The following MASP1 variants were observed in gnomAD, a reference collection of about 807,000 sequenced individuals.
MASP1 encodes MBL associated serine protease 1, also known as mannan-binding lectin serine protease 1.
Under a neutral mutation model 77.1 loss-of-function variants are expected in MASP1, and 59 were observed. The ratio of observed to expected loss-of-function variants is 0.77; its 90% CI spans 0.62 to 0.95. The LOEUF (loss-of-function observed/expected upper bound fraction) is 0.95, where lower values mean the gene tolerates loss of function less well. Ranked by LOEUF, MASP1 falls within the 40% of genes least tolerant of loss-of-function variation. MASP1 has a pLI of 0.00. For missense variants in MASP1, 885 were observed against 912.9 expected, an observed-to-expected ratio of 0.97 and a Z score of 0.39; for synonymous variants, 362 against 354.5, an observed-to-expected ratio of 1.02 and a Z score of -0.24.
At chr3:187,248,794 A>G (rs1714319369) in intron 8 of MASP1, among the ~76,000 whole-genome samples, 1 of 152,166 alleles carries the variant, frequency 6.6e-6, no homozygotes, top group Non-Finnish European at 1.5e-5. Flanking sequence ...CTCCTTCCCC[A>G]TGCTAGGCTC....
At chr3:187,267,554 T>C (rs1193749039) in intron 2 of MASP1, among the ~76,000 whole-genome samples, 1 of 152,252 alleles carries the variant, frequency 6.6e-6, no homozygotes, top group African/African-American at 2.4e-5. Context: ...AAGAAATGTG[T>C]AGATGTGTCC....
chr3:187,284,363 C>T (rs1279581714), intron 2 of MASP1, among the ~76,000 whole-genome samples: 1 of 152,154 alleles, frequency 6.6e-6, no homozygotes, highest in African/African-American at 2.4e-5. Context: ...GGGGCCGGGG[C>T]TGCTACTGGC....
At chr3:187,224,548 G>A (rs1236109212) in intron 13 of MASP1, among the ~76,000 whole-genome samples, 3 of 151,622 alleles carry the variant, frequency 2.0e-5, no homozygotes, top group East Asian at 1.9e-4. Flanking sequence ...GGGTTTCACC[G>A]TTTTAGCCGG....
Position 187,234,766 on chromosome 3 carries a change from C to G in MASP1, c.*918G>C, listed in dbSNP as rs1713000677. ...CAGCAGGACACAGTGTGGGTCTTTT[C>G]TTTTTCCAGGTAATCGACTAAGTCC... On this transcript the variant is annotated 3_prime_UTR_variant, in exon 11 of 11. Transcript: ENST00000296280. The G allele has an allele frequency of 7.8e-7, 1 of 1,287,138 alleles. No homozygotes were observed. Among genetic ancestry groups the G allele is most frequent in the Non-Finnish European group, 1.0e-6 (1 of 988,704 alleles). The allele number at this position is 1,287,138 out of a possible 1,614,324, so 79.7% of individuals were successfully genotyped here.
At chr3:187,269,285 T>C (rs1031743229) in intron 2 of MASP1, among the ~76,000 whole-genome samples, 2 of 152,108 alleles carry the variant, frequency 1.3e-5, no homozygotes, top group African/African-American at 2.4e-5. Flanking sequence ...TTGAAAAGAA[T>C]TGTGGATATG....
At chr3:187,267,566 A>G (rs1026901913) in intron 2 of MASP1, among the ~76,000 whole-genome samples, 3 of 150,460 alleles carry the variant, frequency 2.0e-5, no homozygotes, top group South Asian at 4.2e-4. Flanking sequence ...GATGTGTCCA[A>G]CACATCCTCA....
chr3:187,250,350 G>A (rs1362406455), intron 7 of MASP1, 21 bp from the exon 8 acceptor site: 4 of 1,589,554 alleles, frequency 2.5e-6, no homozygotes, highest in Middle Eastern at 1.7e-4. Flanking sequence ...ACAGGAAGAA[G>A]GGAGTGGGAA....
At chr3:187,269,545 C>T (rs1716344794) in intron 2 of MASP1, among the ~76,000 whole-genome samples, 1 of 152,106 alleles carries the variant, frequency 6.6e-6, no homozygotes. Flanking sequence ...GAGTCAAGAT[C>T]AGAGGCAAGA....
intron 7 of MASP1, among the ~76,000 whole-genome samples, 158 bp from the exon 8 acceptor site, chr3:187,250,487 A>G (rs747709095): frequency 7.2e-5 from 11 of 152,164 alleles, no homozygotes; most frequent in Non-Finnish European, 1.2e-4. Context: ...GGTAGGGGAA[A>G]GATACATGCT....
At position 187,223,148 on chromosome 3, in the gene MASP1, C is replaced by A. The variant is rs768987275; in HGVS notation, c.1788G>T (p.Arg596Ser). The A allele has an allele frequency of 1.4e-5, 23 of 1,614,012 alleles. No homozygotes were observed. The highest frequency in any genetic ancestry group is 5.3e-5 in the African/African-American group (4 of 74,912). Residue 596 changes from arginine to serine, a missense_variant, in exon 14 of 16, where the codon AGG becomes AGT. Transcript: ENST00000337774. ...TCACCTCCATCAGGGTCTCTGGGAA[C>A]CTTTGCAAGAACTGCTTCCCCCAGC... is the stretch of plus-strand genomic sequence containing the variant.
At chr3:187,279,489 A>G (rs1160464814) in intron 2 of MASP1, among the ~76,000 whole-genome samples, 1 of 152,222 alleles carries the variant, frequency 6.6e-6, no homozygotes, top group Non-Finnish European at 1.5e-5. Flanking sequence ...TCATAGTATA[A>G]GTTAATATTA....
At chr3:187,263,302 C>T (rs1715760182) in intron 2 of MASP1, 1 of 155,978 alleles carries the variant, frequency 6.4e-6, no homozygotes, top group South Asian at 2.0e-4. Context: ...GCAAACAATC[C>T]ACATTAGAAT....
Position 187,256,786 on chromosome 3 carries a change from TG to T in MASP1, c.621del (p.Lys208ArgfsTer69). On this transcript the variant is annotated frameshift_variant, in exon 5 of 11. Transcript: ENST00000296280. LOFTEE classifies it high-confidence loss of function. ...ITSPDFPNPYPKSSECLYTIE... is the reference protein window; with the variant it reads ...ITSPDFPNPYXKSSECLYTIE... The stretch of plus-strand genomic sequence containing the variant: ...ATGGTATACAGGCATTCAGAGCTCT[TG>T]GGGTAAGGGTTTGGGAAGTCAGGGC... 6.2e-7 allele frequency: 1 copy of T among 1,613,842 alleles called. No individual in the cohort carries two copies. Among genetic ancestry groups the T allele is most frequent in the Non-Finnish European group, 8.5e-7 (1 of 1,179,966 alleles).
At chr3:187,264,937 G>A (rs1365728630) in intron 2 of MASP1, among the ~76,000 whole-genome samples, 1 of 152,076 alleles carries the variant, frequency 6.6e-6, no homozygotes, top group Non-Finnish European at 1.5e-5. Flanking sequence ...GGCAGTTGGA[G>A]GTCCTGGGTC....
intron 8 of MASP1, among the ~76,000 whole-genome samples, chr3:187,249,046 T>TTTTG (rs560479893): frequency 6.6e-6 from 1 of 151,968 alleles, no homozygotes; most frequent in Non-Finnish European, 1.5e-5. Flanking sequence ...TCTAATTCGT[T>TTTTG]TTTGTTTGTT....
At chr3:187,290,140 G>T (rs75894221) in intron 1 of MASP1, among the ~76,000 whole-genome samples, 2 of 152,176 alleles carry the variant, frequency 1.3e-5, no homozygotes, top group African/African-American at 4.8e-5. Flanking sequence ...ACTTGTAAGG[G>T]GAGGTGGACA....
intron 8 of MASP1, chr3:187,247,030 GC>G: frequency 7.7e-7 from 1 of 1,304,912 alleles, no homozygotes; most frequent in Non-Finnish European, 9.8e-7. Context: ...AGGACCAAGG[GC>G]ATTTTTTTTT....
chr3:187,262,695 G>T lies in MASP1; in HGVS notation c.263C>A (p.Ala88Glu). ...VKVETEDQVLATFCGRETTDT... is the reference protein window; with the variant it reads ...VKVETEDQVLETFCGRETTDT... Reference sequence around the variant, plus strand: ...TGTGGTCTCCCTGCCACAGAAGGTTGCCAGCACCTGGTCCTCAGTTTCTAC... The same window carrying T: ...TGTGGTCTCCCTGCCACAGAAGGTTTCCAGCACCTGGTCCTCAGTTTCTAC... The change falls in exon 3 of 11, where the codon GCA becomes GAA. Residue 88 changes from alanine to glutamate, a missense_variant. Physicochemically the swap from Ala to Glu is moderately radical, Grantham distance 107. Transcript: ENST00000296280. 1 of 1,614,126 alleles carries T rather than the reference G, an allele frequency of 6.2e-7. No homozygotes were observed. Among genetic ancestry groups the T allele is most frequent in the Non-Finnish European group, 8.5e-7 (1 of 1,180,000 alleles).
exon 16 of MASP1, chr3:187,217,456 C>G (rs1287871338): frequency 6.6e-6 from 1 of 152,170 alleles, no homozygotes; most frequent in Non-Finnish European, 1.5e-5. Flanking sequence ...TTTGGTTGCA[C>G]AAAGAGGAGA....
Sources: allele counts gnomAD v4.1 joint callset (sites outside exome capture counted in the v4.1 genomes callset), GRCh38; gene constraint gnomAD v4.1.1; transcripts MANE v1.5; gene names NCBI Gene and HGNC (gene_info 2026-07-23, HGNC 2026-07-21).